The following DFFB variants were observed in gnomAD, a reference collection of about 807,000 sequenced individuals.
The protein encoded by DFFB is DNA fragmentation factor subunit beta.
A neutral mutation model predicts 32.7 loss-of-function variants in DFFB; 29 were observed. That is an observed-to-expected ratio of 0.89 (90% CI 0.66 to 1.21). The LOEUF (loss-of-function observed/expected upper bound fraction) is 1.21, where lower values mean the gene tolerates loss of function less well. Among genes scored for constraint, DFFB ranks in the 50% most tolerant of loss-of-function variants. The pLI is 0.00. For synonymous variants in DFFB, 170 were observed against 177.1 expected (o/e 0.96, Z 0.32); for missense variants, 398 against 440.6 (o/e 0.90, Z 0.87).
intron 6 of DFFB, among the ~76,000 whole-genome samples, chr1:3,873,627 G>A (rs573079537): frequency 3.2e-4 from 48 of 152,182 alleles, no homozygotes; most frequent in Middle Eastern, 3.4e-3. Flanking sequence ...TTACAGGCAC[G>A]TGGCACCACG....
chr1:3,873,572 C>T (rs890308543), intron 6 of DFFB, among the ~76,000 whole-genome samples: 15 of 151,850 alleles, frequency 9.9e-5, no homozygotes, highest in Non-Finnish European at 5.9e-5. Context: ...CTCCGCCTCC[C>T]GGGTTCAAGC....
chr1:3,880,157 A>G (rs1645307133), intron 6 of DFFB, among the ~76,000 whole-genome samples: 1 of 152,180 alleles, frequency 6.6e-6, no homozygotes, highest in African/African-American at 2.4e-5. Flanking sequence ...ATGGGCCATC[A>G]GCCATGTCTG....
chr1:3,860,311 C>G (rs1433353779), intron 2 of DFFB: 1 of 280,586 alleles, frequency 3.6e-6, no homozygotes, highest in African/African-American at 2.2e-5. Flanking sequence ...ACTGTAGCCT[C>G]GACCTCCGTG....
At chr1:3,869,313 G>A (rs555653525) in intron 4 of DFFB, among the ~76,000 whole-genome samples, 1 of 152,262 alleles carries the variant, frequency 6.6e-6, no homozygotes, top group South Asian at 2.1e-4. Context: ...CGCCCACCTC[G>A]GCCTCCCAGA....
chr1:3,879,045 C>G (rs1360881491), intron 6 of DFFB, among the ~76,000 whole-genome samples: 3 of 152,186 alleles, frequency 2.0e-5, no homozygotes, highest in Non-Finnish European at 4.4e-5. Context: ...AGAATAACTC[C>G]ATTGTCTTCT....
chr1:3,858,625 G>A, intron 1 of DFFB, 93 bp from the exon 2 acceptor site: 1 of 1,479,184 alleles, frequency 6.8e-7, no homozygotes, highest in Non-Finnish European at 9.2e-7. Flanking sequence ...GCTTCTTTAA[G>A]CACAGCTCAT....
intron 2 of DFFB, among the ~76,000 whole-genome samples, chr1:3,859,668 C>T (rs1329009700): frequency 6.6e-6 from 1 of 152,236 alleles, no homozygotes; most frequent in South Asian, 2.1e-4. Context: ...GGGGGCTCCA[C>T]TGTCAGCATT....
intron 4 of DFFB, among the ~76,000 whole-genome samples, chr1:3,868,423 G>A (rs1202188854): frequency 2.0e-5 from 3 of 152,092 alleles, no homozygotes; most frequent in Admixed American, 2.0e-4. Flanking sequence ...TGTGACCAAG[G>A]TCAGCAGGTG....
chr1:3,869,847 G>A, intron 5 of DFFB, 72 bp downstream of exon 5: 1 of 1,463,650 alleles, frequency 6.8e-7, no homozygotes. Flanking sequence ...GGGCGAGGCG[G>A]GTGGGGACCT....
intron 6 of DFFB, among the ~76,000 whole-genome samples, chr1:3,874,951 G>A (rs1411141806): frequency 2.0e-5 from 3 of 151,604 alleles, no homozygotes; most frequent in Non-Finnish European, 2.9e-5. Context: ...GTGTACATAC[G>A]TGGCGGCCCA....
rs2124776985 is a variant in DFFB at position 3,884,454 on chromosome 1, A to G, written c.*713A>G. The G allele has an allele frequency of 6.6e-6, 1 of 152,398 alleles. No individual in the cohort carries two copies. The highest frequency in any genetic ancestry group is 1.9e-4 in the East Asian group (1 of 5,184). The allele number at this position is 152,398 out of a possible 1,614,324, so 9.4% of individuals were successfully genotyped here. A position where few individuals can be genotyped will look rare whatever the true frequency, so the allele number is the denominator to read the frequency against. ...AGCTCTCTGCTGGGTCTCCCTTTCC[A>G]TGGCAAATGGGCAGCTCCATCCTCT... On this transcript the variant is annotated 3_prime_UTR_variant, in exon 7 of 7. Transcript: ENST00000378209.
At position 3,860,370 on chromosome 1, in the gene DFFB, G is replaced by C. The variant is rs188259614; in HGVS notation, c.241+1526G>C. On this transcript the variant is annotated intron_variant, in intron 2 of 6. Transcript: ENST00000378209. ...GCCTCCCAAGTATCTGGGACCACAG[G>C]CATGCATTACCACGTCTGGCTAATT... 769 of 375,946 alleles carry C rather than the reference G, an allele frequency of 2.0e-3. 2 individuals are homozygous for C. Among genetic ancestry groups the C allele is most frequent in the African/African-American group, 0.015 (723 of 48,402 alleles). 23.3% of individuals were successfully genotyped at this position (375,946 alleles called of 1,614,324 possible). A position where few individuals can be genotyped will look rare whatever the true frequency, so the allele number is the denominator to read the frequency against.
intron 6 of DFFB, among the ~76,000 whole-genome samples, chr1:3,880,640 C>A (rs555503719): frequency 9.3e-5 from 14 of 151,200 alleles, no homozygotes; most frequent in Admixed American, 8.6e-4. Flanking sequence ...AAGTGCTTCC[C>A]GTAGGCCTCC....
intron 1 of DFFB, 139 bp downstream of exon 1, chr1:3,857,856 C>G: frequency 1.7e-6 from 1 of 584,036 alleles, no homozygotes; most frequent in Non-Finnish European, 2.8e-6. Context: ...GCCGCTAGGA[C>G]CCCGGGCCCC....
intron 2 of DFFB, among the ~76,000 whole-genome samples, chr1:3,859,125 A>G (rs1228940938): frequency 6.6e-6 from 1 of 152,092 alleles, no homozygotes; most frequent in East Asian, 1.9e-4. Flanking sequence ...AGCAATTCCC[A>G]AGAGCAGAGG....
At chr1:3,875,571 C>T (rs1376010044) in intron 6 of DFFB, among the ~76,000 whole-genome samples, 1 of 152,292 alleles carries the variant, frequency 6.6e-6, no homozygotes, top group Non-Finnish European at 1.5e-5. Context: ...ATTTTCCCAA[C>T]CCGATAGGTG....
chr1:3,867,947 T>G (rs777261791), intron 3 of DFFB, 27 bp from the exon 4 acceptor site: 2 of 1,612,666 alleles, frequency 1.2e-6, no homozygotes, highest in East Asian at 2.2e-5. Flanking sequence ...CCCTGTGGAC[T>G]TGGGGGTCTT....
At chr1:3,870,808 T>G (rs956160940) in intron 5 of DFFB, among the ~76,000 whole-genome samples, 2 of 151,080 alleles carry the variant, frequency 1.3e-5, no homozygotes, top group African/African-American at 4.9e-5. Context: ...AGGGACCAGG[T>G]GCTCCGGGCA....
intron 2 of DFFB, chr1:3,860,357 T>C: frequency 2.8e-6 from 1 of 351,390 alleles, no homozygotes; most frequent in Non-Finnish European, 6.2e-6. Flanking sequence ...CTCCCAAGTA[T>C]CTGGGACCAC....
Sources: allele counts gnomAD v4.1 joint callset (sites outside exome capture counted in the v4.1 genomes callset), GRCh38; gene constraint gnomAD v4.1.1; transcripts MANE v1.5; gene names NCBI Gene and HGNC (gene_info 2026-07-23, HGNC 2026-07-21).